NETO2: variants seen among roughly 807,000 people sequenced by gnomAD.
NETO2 encodes neuropilin and tolloid-like protein 2.
Under a neutral mutation model 62.5 loss-of-function variants are expected in NETO2, and 28 were observed. The ratio of observed to expected loss-of-function variants is 0.45; its 90% CI spans 0.33 to 0.61. NETO2 has a LOEUF of 0.61. Ranked by LOEUF, NETO2 falls within the 20% of genes least tolerant of loss-of-function variation. NETO2 has a pLI of 0.02. For synonymous variants in NETO2, 214 were observed against 219.1 expected (o/e 0.98, Z 0.21); for missense variants, 548 against 643.2 (o/e 0.85, Z 1.60).
chr16:47,132,053 A>C, intron 1 of NETO2, 28 bp from the exon 2 acceptor site: 1 of 1,534,544 alleles, frequency 6.5e-7, no homozygotes, highest in South Asian at 1.1e-5. Context: ...AAGAAAAGTT[A>C]TGAAATTGAA....
intron 4 of NETO2, among the ~76,000 whole-genome samples, chr16:47,128,008 G>A (rs558591222): frequency 1.3e-5 from 2 of 152,202 alleles, no homozygotes; most frequent in East Asian, 1.9e-4. Context: ...AAGACAATTT[G>A]TTGAATTATT....
At position 47,079,257 on chromosome 16, in the gene NETO2, G is replaced by A; in HGVS notation, c.*3964C>T. 1 of 150,368 alleles carries A rather than the reference G, an allele frequency of 6.7e-6. No individual in the cohort carries two copies. The highest frequency in any genetic ancestry group is 1.5e-5 in the Non-Finnish European group (1 of 68,030). 9.3% of individuals were successfully genotyped at this position (150,368 alleles called of 1,614,324 possible). On this transcript the variant is annotated 3_prime_UTR_variant, in exon 9 of 9. Transcript: ENST00000562435. ...GATCACGCCACTGCACTCTAGCCTG[G>A]GTGACAGAGCGAGACTCTGTCTCAA...
chr16:47,107,341 T>C (rs547648527), intron 7 of NETO2, among the ~76,000 whole-genome samples: 1 of 152,166 alleles, frequency 6.6e-6, no homozygotes, highest in African/African-American at 2.4e-5. Context: ...CACCATGATG[T>C]TGGGGGGGTG....
intron 6 of NETO2, among the ~76,000 whole-genome samples, chr16:47,116,017 A>G (rs1296594281): frequency 1.3e-5 from 2 of 151,856 alleles, no homozygotes; most frequent in East Asian, 3.9e-4. Context: ...TCCAATCTGT[A>G]TGCTTTTTTG....
chr16:47,118,723 CTTATT>C lies in NETO2; in HGVS notation c.654+3929_654+3933del, dbSNP rs200066502. ...CTTCAACAATTATAACCTAGCCAAT[CTTATT>C]TTATTTGTCTCTCCTAACTTCTACC... On this transcript the variant is annotated intron_variant, in intron 6 of 8. Coordinates refer to ENST00000562435, the MANE Select transcript of NETO2 (RefSeq NM_018092.5). Among the ~76,000 whole-genome samples the C allele has an allele frequency of 7.1e-3, 1,081 of 152,268 alleles. 12 individuals carry two copies. Among genetic ancestry groups the C allele is most frequent in the African/African-American group, 0.025 (1,029 of 41,544 alleles).
chr16:47,120,224 ATT>A (rs1176321905), intron 6 of NETO2, among the ~76,000 whole-genome samples: 1 of 152,050 alleles, frequency 6.6e-6, no homozygotes, highest in African/African-American at 2.4e-5. Flanking sequence ...CTTTTTTGAC[ATT>A]TGTCTGTTAT....
At chr16:47,113,267 T>C (rs998013075) in intron 6 of NETO2, among the ~76,000 whole-genome samples, 3 of 152,236 alleles carry the variant, frequency 2.0e-5, no homozygotes, top group African/African-American at 7.2e-5. Flanking sequence ...TCTTTGAGTC[T>C]GCTTGCTCTA....
chr16:47,132,142 A>C lies in NETO2; in HGVS notation c.35-117T>G, dbSNP rs1596747118. ...TAACTAAAATCACTATTTATTACTC[A>C]AAATTCACTCTCAAGATCTTTAAGC... On this transcript the variant is annotated intron_variant, in intron 1 of 8. Coordinates refer to ENST00000562435, the MANE Select transcript of NETO2 (RefSeq NM_018092.5). 1.0e-5 allele frequency: 8 copies of C among 770,200 alleles called. No homozygotes were observed. The East Asian group carries it at 2.2e-4, about 21-fold the overall frequency. 47.7% of individuals were successfully genotyped at this position (770,200 alleles called of 1,614,324 possible).
intron 7 of NETO2, among the ~76,000 whole-genome samples, chr16:47,091,340 A>C (rs537165050): frequency 1.3e-5 from 2 of 152,318 alleles, no homozygotes; most frequent in East Asian, 3.9e-4. Context: ...TAATTATCAG[A>C]TTTGTATTAA....
intron 6 of NETO2, among the ~76,000 whole-genome samples, chr16:47,112,776 A>G (rs1963827245): frequency 6.6e-6 from 1 of 152,196 alleles, no homozygotes. Context: ...ACATTCTTCT[A>G]TAGTCAATAT....
Position 47,083,731 on chromosome 16 carries a change from C to T in NETO2, c.1068G>A (p.Gly356=), listed in dbSNP as rs1384966850. ...THGTIIGITS[G]IVLVLLIISI... is the part of the protein sequence containing the mutation. ...AAATAATGAGAAGGACCAAGACAAT[C>T]CCTGAAGTAATGCCAATAATTGTTC... Residue 356 remains glycine, a synonymous_variant, in exon 9 of 9, where the codon GGG becomes GGA. Transcript: ENST00000562435. 1.9e-6 allele frequency: 3 copies of T among 1,613,606 alleles called. No homozygotes were observed. The highest frequency in any genetic ancestry group is 1.7e-5 in the Admixed American group (1 of 59,994).
At chr16:47,140,778 G>C (rs1385727975) in intron 1 of NETO2, among the ~76,000 whole-genome samples, 1 of 152,162 alleles carries the variant, frequency 6.6e-6, no homozygotes, top group Non-Finnish European at 1.5e-5. Context: ...AATGAAAAAC[G>C]AGTTAATACT....
Position 47,079,211 on chromosome 16 carries a change from G to A in NETO2, c.*4010C>T, listed in dbSNP as rs942930580. 9.2e-5 allele frequency: 14 copies of A among 151,568 alleles called. No individual in the cohort carries two copies. The highest frequency in any genetic ancestry group is 7.3e-4 in the Admixed American group (11 of 15,156). The allele number at this position is 151,568 out of a possible 1,614,324, so 9.4% of individuals were successfully genotyped here. On this transcript the variant is annotated 3_prime_UTR_variant, in exon 9 of 9. Transcript: ENST00000562435. ...CAGGAGAATGGCATGAACCCGGGAG[G>A]CGGAGCTTGCAGTGAGCCGAGATCA...
At chr16:47,140,280 A>T (rs969569684) in intron 1 of NETO2, among the ~76,000 whole-genome samples, 11 of 152,194 alleles carry the variant, frequency 7.2e-5, no homozygotes. Flanking sequence ...CTCAAAGATC[A>T]TAATAATTTC....
At chr16:47,105,939 T>C (rs1402745378) in intron 7 of NETO2, among the ~76,000 whole-genome samples, 2 of 152,160 alleles carry the variant, frequency 1.3e-5, no homozygotes, top group Admixed American at 6.6e-5. Context: ...TAAACACAGA[T>C]TTCCCATATG....
chr16:47,113,585 CTTTTTTTTTTTT>C (rs953891691), intron 6 of NETO2, among the ~76,000 whole-genome samples: 1 of 106,642 alleles, frequency 9.4e-6, no homozygotes, highest in Non-Finnish European at 1.9e-5. Context: ...ACAGTTTATT[CTTTTTTTTTTTT>C]TTTTTTTTTT....
intron 6 of NETO2, among the ~76,000 whole-genome samples, chr16:47,110,238 T>C (rs936867133): frequency 6.6e-6 from 1 of 152,220 alleles, no homozygotes; most frequent in Admixed American, 6.5e-5. Flanking sequence ...TTACACAATA[T>C]CCTACTGTTC....
chr16:47,119,627 G>A (rs1384186894), intron 6 of NETO2, among the ~76,000 whole-genome samples: 3 of 151,456 alleles, frequency 2.0e-5, no homozygotes, highest in African/African-American at 7.3e-5. Flanking sequence ...AACTTCTTGA[G>A]TCTTAACTTA....
intron 6 of NETO2, among the ~76,000 whole-genome samples, chr16:47,111,795 C>T (rs750200088): frequency 1.3e-5 from 2 of 152,160 alleles, no homozygotes; most frequent in Non-Finnish European, 2.9e-5. Context: ...CAAGGAGTTG[C>T]CAACACTAAT....
Sources: gnomAD v4.1 joint callset for allele counts (sites outside exome capture counted in the v4.1 genomes callset) on GRCh38, gnomAD v4.1.1 for gene constraint, MANE v1.5 for transcripts, NCBI Gene and HGNC (gene_info 2026-07-23, HGNC 2026-07-21) for gene names.